The following C2CD3 variants were observed in gnomAD, a reference collection of about 807,000 sequenced individuals.
The protein encoded by C2CD3 is C2 domain containing 3 centriole elongation regulator, also known as C2 domain-containing protein 3.
In C2CD3, 148 loss-of-function variants were observed where a neutral mutation model predicts 234.0. That is an observed-to-expected ratio of 0.63 (90% CI 0.55 to 0.72). The LOEUF (loss-of-function observed/expected upper bound fraction) is 0.72. Among genes scored for constraint, C2CD3 ranks in the 30% least tolerant of loss-of-function variants. C2CD3 has a pLI of 0.00. For missense variants in C2CD3, 2,577 were observed against 2,811.5 expected (o/e 0.92, Z 1.89); for synonymous variants, 1,000 against 1,035.4 (o/e 0.97, Z 0.66).
intron 31 of C2CD3, 129 bp downstream of exon 31, chr11:74,033,222 G>T: frequency 1.4e-6 from 1 of 690,128 alleles, no homozygotes; most frequent in Non-Finnish European, 2.4e-6. Flanking sequence ...ATGCAGGTGG[G>T]GTCTTCTGAA....
intron 2 of C2CD3, among the ~76,000 whole-genome samples, chr11:74,167,293 C>A (rs1177815679): frequency 6.6e-6 from 1 of 152,100 alleles, no homozygotes. Flanking sequence ...AAAAATACTA[C>A]CTGAGGATTT....
At chr11:74,110,004 C>T (rs1956686456) in intron 11 of C2CD3, among the ~76,000 whole-genome samples, 1 of 146,390 alleles carries the variant, frequency 6.8e-6, no homozygotes, top group Non-Finnish European at 1.5e-5. Context: ...TGGCGTGAAC[C>T]GGGGAAGCAG....
At chr11:74,097,943 T>C (rs576044540) in intron 16 of C2CD3, 66 bp downstream of exon 16, 30 of 1,513,002 alleles carry the variant, frequency 2.0e-5, no homozygotes, top group East Asian at 4.5e-5. Context: ...ATTTGGGCAA[T>C]AAATTCACTA....
chr11:74,120,469 A>G (rs571098347), intron 8 of C2CD3, among the ~76,000 whole-genome samples: 6 of 152,200 alleles, frequency 3.9e-5, no homozygotes, highest in African/African-American at 1.4e-4. Flanking sequence ...ATCCTTTTTT[A>G]TGGCTGCATA....
chr11:74,168,247 C>T (rs1176824171), intron 2 of C2CD3, 97 bp downstream of exon 2: 20 of 936,658 alleles, frequency 2.1e-5, no homozygotes, highest in Admixed American at 8.9e-5. Flanking sequence ...ATTAAGAATG[C>T]CCATATATGC....
intron 21 of C2CD3, 77 bp downstream of exon 21, chr11:74,085,541 T>A: frequency 7.0e-7 from 1 of 1,426,218 alleles, no homozygotes; most frequent in Non-Finnish European, 9.7e-7. Context: ...CTGCAGTATG[T>A]ATCTCCTAGG....
At chr11:74,025,258 T>C (rs931359407) in intron 32 of C2CD3, among the ~76,000 whole-genome samples, 2 of 152,092 alleles carry the variant, frequency 1.3e-5, no homozygotes, top group Non-Finnish European at 1.5e-5. Flanking sequence ...TCAAATGTCA[T>C]GATTTTCAGG....
chr11:74,063,377 C>A (rs1291570964), intron 24 of C2CD3, among the ~76,000 whole-genome samples: 1 of 152,142 alleles, frequency 6.6e-6, no homozygotes, highest in African/African-American at 2.4e-5. Context: ...CAAAAATCCT[C>A]AATAAAATAC....
At chr11:74,055,140 C>G (rs1591349200) in intron 25 of C2CD3, among the ~76,000 whole-genome samples, 1 of 152,216 alleles carries the variant, frequency 6.6e-6, no homozygotes, top group Non-Finnish European at 1.5e-5. Context: ...AAGCCTATAA[C>G]ATGGACATTA....
chr11:74,104,893 A>ACC (rs879923525), intron 13 of C2CD3, among the ~76,000 whole-genome samples: 2 of 152,158 alleles, frequency 1.3e-5, no homozygotes, highest in African/African-American at 2.4e-5. Flanking sequence ...CCTATTTATA[A>ACC]CCCCTTTCTG....
At chr11:74,068,810 T>G (rs541698856) in intron 24 of C2CD3, among the ~76,000 whole-genome samples, 1 of 152,204 alleles carries the variant, frequency 6.6e-6, no homozygotes, top group Admixed American at 6.5e-5. Context: ...TATTTATTTA[T>G]TTATTTTTTG....
chr11:74,096,867 A>G (rs57117016), intron 16 of C2CD3, among the ~76,000 whole-genome samples: 34,230 of 151,954 alleles, frequency 0.23, 4,121 homozygotes, highest in African/African-American at 0.3. Context: ...ATAACTGGCC[A>G]GGTGTGGTGG....
At chr11:74,121,800 T>C (rs769253332) in intron 8 of C2CD3, among the ~76,000 whole-genome samples, 55 of 152,212 alleles carry the variant, frequency 3.6e-4, no homozygotes, top group Non-Finnish European at 7.6e-4. Context: ...TTCCTCTTTA[T>C]CCTATAGGGA....
intron 17 of C2CD3, among the ~76,000 whole-genome samples, chr11:74,094,270 C>T (rs1228686117): frequency 1.3e-5 from 2 of 149,942 alleles, no homozygotes; most frequent in African/African-American, 4.9e-5. Context: ...TTTTGATTTG[C>T]ATTTCCCAAA....
intron 17 of C2CD3, 66 bp downstream of exon 17, chr11:74,095,162 A>C (rs1956060019): frequency 5.4e-6 from 6 of 1,120,482 alleles, no homozygotes; most frequent in Non-Finnish European, 7.1e-6. Context: ...CAGAAAAAAA[A>C]AACTCTTAAG....
rs145021728 is a variant in C2CD3 at position 74,168,461 on chromosome 11, A to C, written c.208T>G (p.Ser70Ala). 222 of 1,614,044 alleles carry C rather than the reference A, an allele frequency of 1.4e-4. No homozygotes were observed. Among genetic ancestry groups the C allele is most frequent in the Non-Finnish European group, 1.7e-4 (197 of 1,180,010 alleles). The change falls in exon 2 of 33, where the codon TCA (serine) becomes GCA (alanine). Residue 70 changes from serine (S) to alanine (A), a missense_variant. Physicochemically the swap from Ser to Ala is moderately conservative, Grantham distance 99 (BLOSUM62 1). Transcript: ENST00000334126. ...LVRVRWWGET[S>A]DGTLFCPRDA... is the part of the protein sequence containing the mutation. ...CTGGGACAAAAGAGGGTTCCATCTG[A>C]TGTTTCTCCCCACCATCTCACTCGG...
intron 13 of C2CD3, 133 bp from the exon 14 acceptor site, chr11:74,103,758 A>G: frequency 1.4e-6 from 1 of 694,382 alleles, no homozygotes; most frequent in South Asian, 1.9e-5. Flanking sequence ...TAGTAAGAAT[A>G]TTAACAGAAT....
chr11:74,082,464 T>A (rs960386014), intron 22 of C2CD3, among the ~76,000 whole-genome samples: 3 of 152,214 alleles, frequency 2.0e-5, no homozygotes, highest in African/African-American at 7.2e-5. Context: ...ATATGTTCCA[T>A]CAATAGTTTA....
Position 74,158,938 on chromosome 11 carries a change from A to G in C2CD3, c.483+2461T>C, listed in dbSNP as rs1338543008. On this transcript the variant is annotated intron_variant, in intron 3 of 32. Transcript: ENST00000334126. ...TAGTACAATCATTATGGTCAACAGT[A>G]TGAAGGTTCCTCACAAAAATTAAAA... is the stretch of plus-strand genomic sequence containing the variant. Among the ~76,000 whole-genome samples the G allele has an allele frequency of 2.0e-5, 3 of 152,184 alleles. No homozygotes were observed. In the East Asian group the frequency reaches 5.8e-4, roughly 29 times the overall value.
Sources: gnomAD v4.1 joint callset for allele counts (sites outside exome capture counted in the v4.1 genomes callset) on GRCh38, gnomAD v4.1.1 for gene constraint, MANE v1.5 for transcripts, NCBI Gene and HGNC (gene_info 2026-07-23, HGNC 2026-07-21) for gene names.